KAT2B: variants seen among roughly 807,000 people sequenced by gnomAD.
KAT2B encodes the protein lysine acetyltransferase 2B.
Under a neutral mutation model 105.9 loss-of-function variants are expected in KAT2B, and 36 were observed. That is an observed-to-expected ratio of 0.34 (90% CI 0.26 to 0.45). The LOEUF is 0.45. Among genes scored for constraint, KAT2B ranks in the 20% least tolerant of loss-of-function variants. The pLI, the probability that KAT2B is intolerant of heterozygous loss-of-function variation, is 1.00. For synonymous variants in KAT2B, 397 were observed against 377.9 expected (o/e 1.05, Z -0.59); for missense variants, 820 against 1,021.6 (o/e 0.80, Z 2.69).
At chr3:20,052,316 T>C (rs114337756) in intron 1 of KAT2B, among the ~76,000 whole-genome samples, 1 of 152,322 alleles carries the variant, frequency 6.6e-6, no homozygotes, top group Non-Finnish European at 1.5e-5. Flanking sequence ...GTTTTCCTTA[T>C]GACAATAGAA....
chr3:20,122,835 G>A, intron 9 of KAT2B, 31 bp downstream of exon 9: 1 of 1,590,744 alleles, frequency 6.3e-7, no homozygotes, highest in Non-Finnish European at 8.6e-7. Flanking sequence ...CAGCCAGCTG[G>A]TAGACCTCTT....
chr3:20,133,202 A>G (rs1174029816), intron 11 of KAT2B, among the ~76,000 whole-genome samples: 1 of 152,204 alleles, frequency 6.6e-6, no homozygotes, highest in East Asian at 1.9e-4. Flanking sequence ...TACTGAACTT[A>G]CAGGTAAGAG....
At chr3:20,130,903 CGT>C (rs966688505) in intron 11 of KAT2B, among the ~76,000 whole-genome samples, 166 of 147,006 alleles carry the variant, frequency 1.1e-3, no homozygotes, top group African/African-American at 3.8e-3. Context: ...ATGGTAAGAA[CGT>C]GTGTGTGTGT....
chr3:20,043,220 A>G (rs986293493), intron 1 of KAT2B, among the ~76,000 whole-genome samples: 42 of 152,200 alleles, frequency 2.8e-4, no homozygotes, highest in African/African-American at 9.4e-4. Flanking sequence ...GTTCATTTTT[A>G]TGTATCCATT....
chr3:20,143,295 T>C (rs1227097990), intron 13 of KAT2B, among the ~76,000 whole-genome samples: 1 of 152,162 alleles, frequency 6.6e-6, no homozygotes, highest in Non-Finnish European at 1.5e-5. Flanking sequence ...AATGAAAATA[T>C]CTCCTTTCTG....
At chr3:20,118,907 C>G (rs1163941966) in intron 7 of KAT2B, among the ~76,000 whole-genome samples, 5 of 151,586 alleles carry the variant, frequency 3.3e-5, no homozygotes, top group Admixed American at 2.0e-4. Context: ...AACATAAAAA[C>G]TATAGTTTTC....
At chr3:20,052,047 A>T (rs1168416378) in intron 1 of KAT2B, among the ~76,000 whole-genome samples, 1 of 152,222 alleles carries the variant, frequency 6.6e-6, no homozygotes, top group Non-Finnish European at 1.5e-5. Context: ...TTTGAATCAC[A>T]TTCATCTCTA....
rs1697704986 is a variant in KAT2B at position 20,040,896 on chromosome 3, T to A, written c.303+116T>A. On this transcript the variant is annotated intron_variant, in intron 1 of 17. Transcript: ENST00000263754. Reference sequence around the variant, plus strand: ...CGCCTCCTGCCTCTCGCCTCCCGCCTGGGGCCGCTGCACCGCGGAAGTGCT... The same window carrying A: ...CGCCTCCTGCCTCTCGCCTCCCGCCAGGGGCCGCTGCACCGCGGAAGTGCT... 7.1e-6 allele frequency: 9 copies of A among 1,259,190 alleles called. No individual in the cohort carries two copies. The South Asian group carries it at 1.5e-4, about 21-fold the overall frequency. 78.0% of individuals were successfully genotyped at this position (1,259,190 alleles called of 1,614,324 possible).
intron 7 of KAT2B, among the ~76,000 whole-genome samples, chr3:20,118,150 GA>G (rs914160643): frequency 5.5e-5 from 8 of 145,376 alleles, no homozygotes; most frequent in East Asian, 2.0e-4. Flanking sequence ...AAATTTAGGA[GA>G]AAAAAATTAA....
chr3:20,107,875 C>T (rs1699050669), intron 5 of KAT2B, among the ~76,000 whole-genome samples: 1 of 124,256 alleles, frequency 8.0e-6, no homozygotes, highest in African/African-American at 3.1e-5. Flanking sequence ...GTGGTATGAT[C>T]TGAGCTCACT....
intron 9 of KAT2B, among the ~76,000 whole-genome samples, chr3:20,125,629 A>G (rs1265347576): frequency 6.6e-6 from 1 of 152,042 alleles, no homozygotes; most frequent in Non-Finnish European, 1.5e-5. Flanking sequence ...CTTCACAGAA[A>G]ACTTTGCTGG....
chr3:20,125,306 G>GAAAAAAAAAAAAAA (rs34271857), intron 9 of KAT2B, among the ~76,000 whole-genome samples: 1 of 117,164 alleles, frequency 8.5e-6, no homozygotes. Context: ...CTCCGTCTCA[G>GAAAAAAAAAAAAAA]AAAAAAAAAA....
At chr3:20,097,586 G>C (rs1698833142) in intron 3 of KAT2B, among the ~76,000 whole-genome samples, 1 of 152,070 alleles carries the variant, frequency 6.6e-6, no homozygotes, top group African/African-American at 2.4e-5. Flanking sequence ...ATCCAGGCTA[G>C]AGTGAAGTGG....
intron 2 of KAT2B, among the ~76,000 whole-genome samples, chr3:20,090,705 T>C (rs1698701751): frequency 6.6e-6 from 1 of 152,148 alleles, no homozygotes; most frequent in Non-Finnish European, 1.5e-5. Context: ...GCTGACCTTG[T>C]AAAGTGAGTT....
intron 11 of KAT2B, among the ~76,000 whole-genome samples, chr3:20,134,336 A>G (rs1174964388): frequency 4.6e-5 from 7 of 152,064 alleles, no homozygotes; most frequent in Non-Finnish European, 1.0e-4. Context: ...CTTTTCCTCT[A>G]TTCGTCTTCT....
In KAT2B at chr3:20,111,586, CTT is replaced by C; in HGVS notation, c.852-9_852-8del. 1 of 1,601,288 alleles carries C rather than the reference CTT, an allele frequency of 6.2e-7. No homozygotes were observed. The highest frequency in any genetic ancestry group is 1.1e-5 in the South Asian group (1 of 89,346). On this transcript the variant is annotated splice_polypyrimidine_tract_variant and splice_region_variant and intron_variant, in intron 5 of 17. Coordinates refer to ENST00000263754, the MANE Select transcript of KAT2B (RefSeq NM_003884.5). Reference sequence around the variant, plus strand: ...GGGATATTGATGGTGCTTGACTTCTCTTGTCACAGGTGGCTGTGTTACTGCAA... The same window carrying C: ...GGGATATTGATGGTGCTTGACTTCTCGTCACAGGTGGCTGTGTTACTGCAA...
intron 11 of KAT2B, among the ~76,000 whole-genome samples, chr3:20,130,143 T>C (rs1391609911): frequency 2.0e-5 from 3 of 152,186 alleles, no homozygotes; most frequent in Non-Finnish European, 2.9e-5. Context: ...ACGCCCGGCC[T>C]CAGCACGAAT....
intron 1 of KAT2B, among the ~76,000 whole-genome samples, chr3:20,062,303 A>T (rs1421258648): frequency 2.2e-4 from 10 of 46,304 alleles, no homozygotes; most frequent in East Asian, 3.7e-4. Context: ...TAATATATAA[A>T]ATATAATATA....
At chr3:20,079,814 T>C (rs1394351673) in intron 2 of KAT2B, among the ~76,000 whole-genome samples, 1 of 152,232 alleles carries the variant, frequency 6.6e-6, no homozygotes, top group East Asian at 1.9e-4. Flanking sequence ...CATATTCCTC[T>C]TGGCTGGATG....
Sources: allele counts gnomAD v4.1 joint callset (sites outside exome capture counted in the v4.1 genomes callset), GRCh38; gene constraint gnomAD v4.1.1; transcripts MANE v1.5; gene names NCBI Gene and HGNC (gene_info 2026-07-23, HGNC 2026-07-21).